Variants in RGS7 observed in about 807,000 individuals in gnomAD.
RGS7 encodes the protein regulator of G-protein signaling 7.
Under a neutral mutation model 81.1 loss-of-function variants are expected in RGS7, and 27 were observed. The observed-to-expected ratio is 0.33, with a 90% confidence interval of 0.25 to 0.46. RGS7 has a LOEUF of 0.46. Among genes scored for constraint, RGS7 ranks in the 20% least tolerant of loss-of-function variants. The probability of loss-of-function intolerance (pLI) is 1.00; values close to 1 mark genes in which losing one functional copy is unlikely to be tolerated. For missense variants in RGS7, 396 were observed against 607.4 expected, an observed-to-expected ratio of 0.65 and a Z score of 3.66; for synonymous variants, 208 against 207.7, an observed-to-expected ratio of 1.00 and a Z score of -0.01.
intron 2 of RGS7, among the ~76,000 whole-genome samples, chr1:241,244,224 T>G (rs1005654588): frequency 6.6e-6 from 1 of 152,302 alleles, no homozygotes; most frequent in African/African-American, 2.4e-5. Context: ...AAAGGGCTAA[T>G]ATCCAGAATC....
In RGS7 at chr1:241,214,011, C is replaced by G. The variant is rs974793359; in HGVS notation, c.79-115249G>C. On this transcript the variant is annotated intron_variant, in intron 2 of 18. Coordinates refer to ENST00000440928, the MANE Select transcript of RGS7 (RefSeq NM_001364886.1). ...AAACTCCTGGACTCAAGTAATCCTC[C>G]CCCCGGGCCTCCCAAAGTGCTGGAA... is the stretch of plus-strand genomic sequence containing the variant. Among the ~76,000 whole-genome samples the G allele has an allele frequency of 2.6e-5, 4 of 152,222 alleles. No individual in the cohort carries two copies. In the East Asian group the frequency reaches 7.7e-4, roughly 29 times the overall value.
intron 3 of RGS7, among the ~76,000 whole-genome samples, chr1:241,029,500 C>T (rs1422488288): frequency 6.6e-6 from 1 of 152,114 alleles, no homozygotes. Context: ...CCTTTTGTTG[C>T]CCTTTGAGCA....
chr1:240,884,772 C>T (rs898780985), intron 6 of RGS7, among the ~76,000 whole-genome samples: 42 of 152,190 alleles, frequency 2.8e-4, no homozygotes, highest in African/African-American at 1.0e-3. Context: ...GGATTAAATA[C>T]TTAAATGTCA....
intron 2 of RGS7, among the ~76,000 whole-genome samples, chr1:241,354,208 T>C (rs568073998): frequency 1.3e-5 from 2 of 152,294 alleles, no homozygotes; most frequent in South Asian, 4.1e-4. Context: ...CAAAATATTA[T>C]GACTTATTTG....
intron 2 of RGS7, among the ~76,000 whole-genome samples, chr1:241,342,859 A>C (rs915310787): frequency 2.6e-5 from 4 of 152,220 alleles, no homozygotes; most frequent in African/African-American, 9.6e-5. Context: ...AGAAATGGAA[A>C]ATAACAAGTG....
At chr1:241,045,468 A>G (rs1395840393) in intron 3 of RGS7, among the ~76,000 whole-genome samples, 1 of 152,054 alleles carries the variant, frequency 6.6e-6, no homozygotes, top group African/African-American at 2.4e-5. Context: ...GATTCAAGAG[A>G]TTCTCCTGCC....
intron 3 of RGS7, among the ~76,000 whole-genome samples, chr1:241,080,128 T>C (rs1451009947): frequency 1.3e-5 from 2 of 152,046 alleles, no homozygotes; most frequent in Non-Finnish European, 2.9e-5. Flanking sequence ...AAAAAAAGGC[T>C]AAGAAAGTCA....
Position 240,891,435 on chromosome 1 carries a change from T to C in RGS7, c.386-21316A>G, listed in dbSNP as rs261808. On this transcript the variant is annotated intron_variant, in intron 6 of 18. Coordinates refer to ENST00000440928, the MANE Select transcript of RGS7 (RefSeq NM_001364886.1). ...TTGGCCATAACTTTCTTTTTTATAA[T>C]AACCAACCATATATTTATATTCAGA... Among the ~76,000 whole-genome samples, 1,032 of 152,314 alleles carry C rather than the reference T, an allele frequency of 6.8e-3. 15 individuals are homozygous for C. Among genetic ancestry groups the C allele is most frequent in the African/African-American group, 0.023 (970 of 41,576 alleles).
intron 2 of RGS7, among the ~76,000 whole-genome samples, chr1:241,350,492 T>C (rs2083167024): frequency 1.3e-5 from 2 of 152,360 alleles, no homozygotes; most frequent in East Asian, 1.9e-4. Context: ...CCTTTCATAA[T>C]GATCTTTTAC....
At chr1:241,355,873 C>T in intron 1 of RGS7, 47 bp from the exon 2 acceptor site, 1 of 982,656 alleles carries the variant, frequency 1.0e-6, no homozygotes. Flanking sequence ...TGGGACTCCC[C>T]TGATTCATCA....
intron 10 of RGS7, among the ~76,000 whole-genome samples, chr1:240,820,191 A>G (rs1691519181): frequency 1.3e-5 from 2 of 152,190 alleles, no homozygotes; most frequent in Admixed American, 1.3e-4. Context: ...GAGAAATAAA[A>G]TCTCTTAATG....
chr1:241,166,731 T>C (rs1239834312), intron 2 of RGS7, among the ~76,000 whole-genome samples: 3 of 152,198 alleles, frequency 2.0e-5, no homozygotes, highest in African/African-American at 2.4e-5. Context: ...CCAAAGCTTA[T>C]GCTGACTATG....
intron 2 of RGS7, among the ~76,000 whole-genome samples, chr1:241,333,042 T>A (rs1210533509): frequency 6.6e-6 from 1 of 152,196 alleles, no homozygotes; most frequent in Non-Finnish European, 1.5e-5. Flanking sequence ...GGGAAAGGGA[T>A]AACAAATACA....
intron 2 of RGS7, among the ~76,000 whole-genome samples, chr1:241,295,518 T>C (rs921951889): frequency 2.0e-5 from 3 of 151,808 alleles, no homozygotes; most frequent in Middle Eastern, 3.2e-3. Flanking sequence ...AGTCTGAGGA[T>C]AAGAGCCTTC....
chr1:241,129,492 TCTTA>T (rs1227624074), intron 2 of RGS7, among the ~76,000 whole-genome samples: 1 of 152,174 alleles, frequency 6.6e-6, no homozygotes, highest in Non-Finnish European at 1.5e-5. Flanking sequence ...AGCGTCAACC[TCTTA>T]CTTTTCCTTC....
intron 3 of RGS7, among the ~76,000 whole-genome samples, chr1:241,073,363 A>T (rs1006112116): frequency 6.6e-6 from 1 of 152,118 alleles, no homozygotes; most frequent in African/African-American, 2.4e-5. Context: ...TGGAATATGC[A>T]TCCTTCTTGT....
chr1:240,858,983 TG>T (rs1269508558), intron 9 of RGS7, among the ~76,000 whole-genome samples: 1 of 152,144 alleles, frequency 6.6e-6, no homozygotes, highest in Non-Finnish European at 1.5e-5. Flanking sequence ...CTTTGGGTAT[TG>T]GGGTAATGCT....
In RGS7 at chr1:241,199,652, C is replaced by A. The variant is rs1381306118; in HGVS notation, c.79-100890G>T. Among the ~76,000 whole-genome samples, 4 of 149,144 alleles carry A rather than the reference C, an allele frequency of 2.7e-5. No individual in the cohort carries two copies. The Middle Eastern group carries it at 0.014, about 514-fold the overall frequency. On this transcript the variant is annotated intron_variant, in intron 2 of 18. Coordinates refer to ENST00000440928, the MANE Select transcript of RGS7 (RefSeq NM_001364886.1). The stretch of plus-strand genomic sequence containing the variant: ...ATGGAATGAATGACAGAAGTCTAGT[C>A]CTCTTCCCTTTCAAAATAAGCTGTG...
At chr1:241,056,603 G>A (rs1433063768) in intron 3 of RGS7, among the ~76,000 whole-genome samples, 1 of 152,112 alleles carries the variant, frequency 6.6e-6, no homozygotes, top group Admixed American at 6.5e-5. Context: ...AAGGTATAAT[G>A]GGAAACCTTT....
Sources: allele counts gnomAD v4.1 joint callset (sites outside exome capture counted in the v4.1 genomes callset), GRCh38; gene constraint gnomAD v4.1.1; transcripts MANE v1.5; gene names NCBI Gene and HGNC (gene_info 2026-07-23, HGNC 2026-07-21).